PRKD1: variants seen among roughly 807,000 people sequenced by gnomAD.
PRKD1 encodes protein kinase D1.
PRKD1 carries 63 observed loss-of-function variants against 95.9 expected under a neutral mutation model. The observed-to-expected ratio is 0.66, with a 90% CI of 0.54 to 0.81. PRKD1 has a LOEUF of 0.81. Ranked by LOEUF, PRKD1 falls within the 30% of genes least tolerant of loss-of-function variation. The probability of loss-of-function intolerance (pLI) is 0.00; values close to 1 mark genes in which losing one functional copy is unlikely to be tolerated. For synonymous variants in PRKD1, 425 were observed against 423.1 expected, an observed-to-expected ratio of 1.00 and a Z score of -0.05; for missense variants, 1,048 against 1,165.3, an observed-to-expected ratio of 0.90 and a Z score of 1.47.
intron 1 of PRKD1, among the ~76,000 whole-genome samples, chr14:29,826,534 TG>T (rs1891126603): frequency 9.8e-6 from 1 of 102,348 alleles, no homozygotes; most frequent in Non-Finnish European, 1.9e-5. Context: ...ATATATATGA[TG>T]GAATATATGT....
chr14:29,709,769 T>C (rs1885255757), intron 2 of PRKD1, among the ~76,000 whole-genome samples: 1 of 152,156 alleles, frequency 6.6e-6, no homozygotes, highest in Non-Finnish European at 1.5e-5. Context: ...AGGCCTTCAA[T>C]TTATGGGATG....
chr14:29,646,711 C>T (rs774904948), intron 4 of PRKD1, among the ~76,000 whole-genome samples: 21 of 150,060 alleles, frequency 1.4e-4, no homozygotes, highest in African/African-American at 4.4e-4. Flanking sequence ...ATGCTCAGTC[C>T]GAGGCTACTT....
chr14:29,745,063 A>G (rs1264318868), intron 1 of PRKD1, among the ~76,000 whole-genome samples: 2 of 151,900 alleles, frequency 1.3e-5, no homozygotes, highest in East Asian at 3.9e-4. Flanking sequence ...TGGCTCCTCC[A>G]CCACCCCGGG....
chr14:29,794,779 T>C (rs967641573), intron 1 of PRKD1, among the ~76,000 whole-genome samples: 1 of 152,066 alleles, frequency 6.6e-6, no homozygotes, highest in African/African-American at 2.4e-5. Flanking sequence ...TTTGAATTGT[T>C]TTCTTGAGGA....
chr14:29,862,575 G>C (rs569548437), intron 1 of PRKD1, among the ~76,000 whole-genome samples: 1 of 152,174 alleles, frequency 6.6e-6, no homozygotes, highest in Admixed American at 6.5e-5. Flanking sequence ...ATTTTAACTA[G>C]GTGAGATGAT....
chr14:29,752,695 T>C (rs1887534522), intron 1 of PRKD1, among the ~76,000 whole-genome samples: 2 of 151,998 alleles, frequency 1.3e-5, no homozygotes, highest in South Asian at 2.1e-4. Context: ...CTTAATATGA[T>C]GAGGTCAAAG....
chr14:29,741,481 T>C (rs1196742096), intron 1 of PRKD1, among the ~76,000 whole-genome samples: 2 of 152,216 alleles, frequency 1.3e-5, no homozygotes, highest in Non-Finnish European at 2.9e-5. Flanking sequence ...AACCAACATA[T>C]GTAAAGTAAT....
intron 13 of PRKD1, 106 bp from the exon 14 acceptor site, chr14:29,599,923 C>G: frequency 9.9e-7 from 1 of 1,010,010 alleles, no homozygotes; most frequent in Non-Finnish European, 1.4e-6. Context: ...TAGAGAAACC[C>G]ACACTTAAGA....
chr14:29,904,381 G>A (rs551314027), intron 1 of PRKD1, among the ~76,000 whole-genome samples: 33 of 152,202 alleles, frequency 2.2e-4, no homozygotes, highest in South Asian at 4.1e-4. Context: ...TCCCAACTCT[G>A]CCACTACCTA....
At chr14:29,910,887 A>G (rs1894685536) in intron 1 of PRKD1, among the ~76,000 whole-genome samples, 1 of 152,184 alleles carries the variant, frequency 6.6e-6, no homozygotes. Context: ...AGCCAATAAG[A>G]CAACTGCAAA....
intron 1 of PRKD1, among the ~76,000 whole-genome samples, chr14:29,912,061 C>G (rs148604070): frequency 6.6e-6 from 1 of 152,164 alleles, no homozygotes; most frequent in Non-Finnish European, 1.5e-5. Context: ...TTCTTTGAAT[C>G]GCTCCTGCTC....
chr14:29,719,390 C>T (rs1234701429), intron 2 of PRKD1, among the ~76,000 whole-genome samples: 1 of 152,186 alleles, frequency 6.6e-6, no homozygotes, highest in African/African-American at 2.4e-5. Context: ...CAAACATCAT[C>T]TCAATGGTTC....
intron 1 of PRKD1, among the ~76,000 whole-genome samples, chr14:29,790,828 A>T (rs1260020668): frequency 6.6e-6 from 1 of 152,224 alleles, no homozygotes; most frequent in Non-Finnish European, 1.5e-5. Flanking sequence ...CTTGCATTTT[A>T]AAGAGTAGAT....
chr14:29,826,842 CACATAT>C lies in PRKD1; in HGVS notation c.264+100401_264+100406del, dbSNP rs1229738773. Among the ~76,000 whole-genome samples the C allele has an allele frequency of 1.5e-3, 29 of 19,860 alleles. 2 individuals are homozygous for C. The highest frequency in any genetic ancestry group is 2.0e-3 in the African/African-American group (10 of 5,070). 13.0% of individuals were successfully genotyped at this position (19,860 alleles called of 152,430 possible). On this transcript the variant is annotated intron_variant, in intron 1 of 17. Coordinates refer to ENST00000331968, the MANE Select transcript of PRKD1 (RefSeq NM_002742.3). ...ATATATATATATATATATATATACA[CACATAT>C]ATATATATATATATATATATATATA... is the stretch of plus-strand genomic sequence containing the variant.
At chr14:29,604,817 TTGATA>T (rs1246158625) in intron 13 of PRKD1, among the ~76,000 whole-genome samples, 1 of 152,202 alleles carries the variant, frequency 6.6e-6, no homozygotes, top group Non-Finnish European at 1.5e-5. Context: ...AATACCCAAA[TTGATA>T]TGATAAGATC....
chr14:29,662,385 TATC>T (rs1882234618), intron 4 of PRKD1, among the ~76,000 whole-genome samples: 1 of 152,116 alleles, frequency 6.6e-6, no homozygotes, highest in Non-Finnish European at 1.5e-5. Flanking sequence ...CTTAAGCACT[TATC>T]AGTAAGAATA....
chr14:29,804,267 A>G (rs1890147391), intron 1 of PRKD1, among the ~76,000 whole-genome samples: 1 of 152,126 alleles, frequency 6.6e-6, no homozygotes, highest in Non-Finnish European at 1.5e-5. Context: ...TGCAAAAGGC[A>G]AGAGAACAAT....
intron 11 of PRKD1, among the ~76,000 whole-genome samples, chr14:29,628,362 G>T (rs1278255452): frequency 6.6e-6 from 1 of 152,204 alleles, no homozygotes; most frequent in African/African-American, 2.4e-5. Context: ...CTGGGTCACA[G>T]GAGGAGGTAG....
chr14:29,623,216 G>A (rs776486854), intron 13 of PRKD1, among the ~76,000 whole-genome samples: 17 of 152,140 alleles, frequency 1.1e-4, no homozygotes, highest in Non-Finnish European at 2.4e-4. Context: ...GAAATTCTGA[G>A]TCCCAGAAAA....
Sources: allele counts gnomAD v4.1 joint callset (sites outside exome capture counted in the v4.1 genomes callset), GRCh38; gene constraint gnomAD v4.1.1; transcripts MANE v1.5; gene names NCBI Gene and HGNC (gene_info 2026-07-23, HGNC 2026-07-21).